Variants in NPAS3 observed in about 807,000 individuals in gnomAD.
NPAS3 encodes neuronal PAS domain protein 3.
A neutral mutation model predicts 73.1 loss-of-function variants in NPAS3; 14 were observed. The ratio of observed to expected loss-of-function variants is 0.19; its 90% CI spans 0.13 to 0.30. NPAS3 has a LOEUF of 0.30. NPAS3 is among the 10% of genes least tolerant of loss of function. The pLI, the probability that NPAS3 is intolerant of heterozygous loss-of-function variation, is 1.00. For synonymous variants in NPAS3, 620 were observed against 541.5 expected, an observed-to-expected ratio of 1.14 and a Z score of -2.01; for missense variants, 1,096 against 1,250.0, an observed-to-expected ratio of 0.88 and a Z score of 1.86.
rs1448806155 is a variant in NPAS3, at chr14:33,148,095, C to T, written c.141-67087C>T. Reference sequence around the variant, plus strand: ...ATTTCGTGCCCTTGCTACCTTTCTTCTCTGAAGGATATTTATAGTAATATA... The same window carrying T: ...ATTTCGTGCCCTTGCTACCTTTCTTTTCTGAAGGATATTTATAGTAATATA... On this transcript the variant is annotated intron_variant, in intron 2 of 11. Coordinates refer to ENST00000356141, the Ensembl canonical transcript of NPAS3. 3.3e-5 allele frequency among the ~76,000 whole-genome samples: 5 copies of T among 152,162 alleles called. No homozygotes were observed. In the East Asian group the frequency reaches 5.8e-4, roughly 18 times the overall value.
intron 1 of NPAS3, among the ~76,000 whole-genome samples, chr14:32,986,419 T>A (rs2038101720): frequency 6.6e-6 from 1 of 152,082 alleles, no homozygotes; most frequent in South Asian, 2.1e-4. Context: ...TCTGAAAGAG[T>A]TGGACACAGC....
chr14:33,401,905 G>A (rs758268564), intron 4 of NPAS3, among the ~76,000 whole-genome samples: 3 of 152,020 alleles, frequency 2.0e-5, no homozygotes, highest in Non-Finnish European at 4.4e-5. Context: ...CAAGGATAGC[G>A]TTAACAAGGG....
intron 4 of NPAS3, among the ~76,000 whole-genome samples, chr14:33,401,766 A>T (rs2047455276): frequency 2.0e-5 from 3 of 152,086 alleles, no homozygotes; most frequent in South Asian, 4.1e-4. Flanking sequence ...AGCGTACACT[A>T]GCTGGAAACA....
chr14:33,004,474 G>T (rs2139593535), intron 1 of NPAS3, among the ~76,000 whole-genome samples: 1 of 152,224 alleles, frequency 6.6e-6, no homozygotes, highest in Middle Eastern at 3.4e-3. Flanking sequence ...TCCTGTATAG[G>T]GCACTTACTG....
rs576603277 is a variant in NPAS3 at position 33,182,685 on chromosome 14, T to C, written c.141-32497T>C. Among the ~76,000 whole-genome samples the C allele has an allele frequency of 7.2e-5, 11 of 152,316 alleles. No individual in the cohort carries two copies. The East Asian group carries it at 2.1e-3, about 29-fold the overall frequency. On this transcript the variant is annotated intron_variant, in intron 2 of 11. Coordinates refer to ENST00000356141, the Ensembl canonical transcript of NPAS3. ...AATTTTTTCCTTTATACTCAACCTGTGATTGTCCACATGGGGTTCTGGTTC... is the reference window on the plus strand; with the variant it reads ...AATTTTTTCCTTTATACTCAACCTGCGATTGTCCACATGGGGTTCTGGTTC...
At chr14:33,350,883 A>G (rs2045011116) in intron 3 of NPAS3, among the ~76,000 whole-genome samples, 1 of 152,204 alleles carries the variant, frequency 6.6e-6, no homozygotes, top group African/African-American at 2.4e-5. Context: ...GATCAGCCTC[A>G]CTGAGCTTTA....
chr14:33,446,506 A>C (rs1442656320), intron 4 of NPAS3, among the ~76,000 whole-genome samples: 1 of 152,184 alleles, frequency 6.6e-6, no homozygotes, highest in Non-Finnish European at 1.5e-5. Flanking sequence ...AAGAGGATAC[A>C]TAGATATTCC....
chr14:33,037,661 G>C (rs960978463), intron 1 of NPAS3, among the ~76,000 whole-genome samples: 8 of 152,036 alleles, frequency 5.3e-5, no homozygotes, highest in Non-Finnish European at 1.0e-4. Flanking sequence ...GGCAGACCCT[G>C]TCTCGAAAAA....
At chr14:33,801,288 T>C, downstream of NPAS3, 2 of 1,329,164 alleles carry the variant, frequency 1.5e-6, no homozygotes, top group East Asian at 2.5e-5. Context: ...TGTAAAGATA[T>C]GTTTATTTTT....
At chr14:33,022,664 C>CA (rs34475386) in intron 1 of NPAS3, among the ~76,000 whole-genome samples, 3,755 of 96,108 alleles carry the variant, frequency 0.039, 7 homozygotes, top group East Asian at 0.076. Context: ...GACTCCGTCC[C>CA]AAAAAAAAAA....
intron 1 of NPAS3, among the ~76,000 whole-genome samples, chr14:33,004,848 T>C (rs1297019344): frequency 2.1e-5 from 3 of 140,714 alleles, no homozygotes. Context: ...GTTTTAAAAC[T>C]CTTTTACTAA....
At chr14:33,434,524 C>CAA (rs570074526) in intron 4 of NPAS3, among the ~76,000 whole-genome samples, 23 of 135,532 alleles carry the variant, frequency 1.7e-4, no homozygotes, top group Middle Eastern at 4.0e-3. Context: ...GACCCCATCT[C>CAA]AAAAAAAAAA....
intron 4 of NPAS3, among the ~76,000 whole-genome samples, chr14:33,463,748 A>G (rs1012560474): frequency 1.3e-5 from 2 of 152,158 alleles, no homozygotes; most frequent in African/African-American, 4.8e-5. Flanking sequence ...AAATCCACCA[A>G]ATTAAGACAT....
At chr14:33,534,327 C>T (rs1201417509) in intron 4 of NPAS3, among the ~76,000 whole-genome samples, 4 of 152,044 alleles carry the variant, frequency 2.6e-5, no homozygotes, top group Admixed American at 2.6e-4. Flanking sequence ...AACACTAACT[C>T]CAGAATGGGC....
intron 3 of NPAS3, among the ~76,000 whole-genome samples, chr14:33,315,843 G>A (rs1193330284): frequency 1.6e-4 from 25 of 152,004 alleles, no homozygotes; most frequent in Admixed American, 1.6e-3. Flanking sequence ...ATTTTGTTGA[G>A]AACTCCAGAA....
intron 7 of NPAS3, among the ~76,000 whole-genome samples, chr14:33,765,621 C>T (rs1406261462): frequency 2.0e-5 from 3 of 152,164 alleles, no homozygotes; most frequent in African/African-American, 7.2e-5. Context: ...TTTCAAAGAG[C>T]CAAAAGGCAA....
At chr14:33,642,220 C>G (rs968626751) in intron 5 of NPAS3, among the ~76,000 whole-genome samples, 6 of 152,136 alleles carry the variant, frequency 3.9e-5, no homozygotes, top group African/African-American at 1.4e-4. Flanking sequence ...GCTTAGAGCT[C>G]TAGCTTTAGA....
chr14:33,557,893 C>T (rs541038268), intron 4 of NPAS3, among the ~76,000 whole-genome samples: 9 of 152,276 alleles, frequency 5.9e-5, no homozygotes, highest in East Asian at 3.9e-4. Context: ...GGTGTGAACC[C>T]GGGAGGCGGA....
intron 3 of NPAS3, among the ~76,000 whole-genome samples, chr14:33,277,954 CGTTGCAGAGGTTCGG>C (rs1483435559): frequency 1.3e-5 from 2 of 151,978 alleles, no homozygotes; most frequent in African/African-American, 2.4e-5. Context: ...TTCAGAGGAC[CGTTGCAGAGGTTCGG>C]GTTGCAGAGG....
Sources: gnomAD v4.1 joint callset for allele counts (sites outside exome capture counted in the v4.1 genomes callset) on GRCh38, gnomAD v4.1.1 for gene constraint, MANE v1.5 for transcripts, NCBI Gene and HGNC (gene_info 2026-07-23, HGNC 2026-07-21) for gene names.